The following TENM4 variants were observed in gnomAD, a reference collection of about 807,000 sequenced individuals.
TENM4 encodes the protein teneurin transmembrane protein 4.
In TENM4, 82 loss-of-function variants were observed where a neutral mutation model predicts 243.3. That is an observed-to-expected ratio of 0.34 (90% CI 0.28 to 0.40). The LOEUF (loss-of-function observed/expected upper bound fraction) is 0.40, where lower values mean the gene tolerates loss of function less well. Ranked by LOEUF, TENM4 falls within the 10% of genes least tolerant of loss-of-function variation. The probability of loss-of-function intolerance (pLI) is 1.00; values close to 1 mark genes in which losing one functional copy is unlikely to be tolerated. For synonymous variants in TENM4, 1,412 were observed against 1,456.3 expected (o/e 0.97, Z 0.69); for missense variants, 3,138 against 3,673.3 (o/e 0.85, Z 3.77).
At chr11:78,736,135 T>C (rs1018262158) in intron 20 of TENM4, among the ~76,000 whole-genome samples, 1 of 152,006 alleles carries the variant, frequency 6.6e-6, no homozygotes, top group African/African-American at 2.4e-5. Context: ...GTATGTTTTT[T>C]TGATAGAGAC....
intron 28 of TENM4, among the ~76,000 whole-genome samples, chr11:78,693,649 T>G (rs112623727): frequency 3.5e-4 from 54 of 152,282 alleles, no homozygotes; most frequent in African/African-American, 1.3e-3. Flanking sequence ...TTTCATTATT[T>G]CCTCCCACTG....
chr11:79,434,217 GTTGA>G (rs760493580), intron 1 of TENM4, among the ~76,000 whole-genome samples: 2 of 152,192 alleles, frequency 1.3e-5, no homozygotes, highest in South Asian at 2.1e-4. Context: ...ATGTAGGCAT[GTTGA>G]TTGATTGATT....
chr11:79,359,822 G>A (rs555168906), intron 1 of TENM4, among the ~76,000 whole-genome samples: 1 of 152,270 alleles, frequency 6.6e-6, no homozygotes, highest in East Asian at 1.9e-4. Context: ...TATCCCCAGA[G>A]AGCTCTGGGC....
rs528154015 is a variant in TENM4, at chr11:78,872,208, G to C, written c.1085-9076C>G. 7.2e-5 allele frequency among the ~76,000 whole-genome samples: 11 copies of C among 152,304 alleles called. No homozygotes were observed. In the South Asian group the frequency reaches 2.3e-3, roughly 32 times the overall value. On this transcript the variant is annotated intron_variant, in intron 9 of 33. Transcript: ENST00000278550. ...TCACACTGTCATCAAGGAAGCACAGGACAGGCTTCCATTTCATCCTGATCA... is the reference window on the plus strand; with the variant it reads ...TCACACTGTCATCAAGGAAGCACAGCACAGGCTTCCATTTCATCCTGATCA...
At chr11:78,929,664 T>C (rs757100062) in intron 6 of TENM4, among the ~76,000 whole-genome samples, 3 of 152,078 alleles carry the variant, frequency 2.0e-5, no homozygotes, top group Non-Finnish European at 4.4e-5. Flanking sequence ...ATAATGGTTT[T>C]TAATATCCTG....
chr11:79,052,992 T>C (rs562336623), intron 6 of TENM4, among the ~76,000 whole-genome samples: 3 of 152,356 alleles, frequency 2.0e-5, no homozygotes, highest in Non-Finnish European at 4.4e-5. Context: ...TGTTTCATGT[T>C]CCTGAGTTGA....
intron 6 of TENM4, among the ~76,000 whole-genome samples, chr11:78,970,340 C>T (rs374247630): frequency 6.6e-6 from 1 of 152,166 alleles, no homozygotes; most frequent in East Asian, 1.9e-4. Flanking sequence ...GGATTGGAAT[C>T]CACTTTTGAA....
chr11:78,818,031 G>C (rs1273056096), intron 12 of TENM4, among the ~76,000 whole-genome samples: 1 of 151,998 alleles, frequency 6.6e-6, no homozygotes, highest in Non-Finnish European at 1.5e-5. Flanking sequence ...TGAACTCCTT[G>C]AGGATAGAAA....
chr11:78,688,024 TC>T, intron 29 of TENM4, 29 bp downstream of exon 29: 2 of 1,609,614 alleles, frequency 1.2e-6, no homozygotes, highest in South Asian at 1.1e-5. Flanking sequence ...CCCCTCTGCC[TC>T]AAAGTCCCCT....
At chr11:78,729,085 C>G (rs747807247) in intron 22 of TENM4, among the ~76,000 whole-genome samples, 1 of 152,092 alleles carries the variant, frequency 6.6e-6, no homozygotes, top group Non-Finnish European at 1.5e-5. Context: ...CAATGTCCAC[C>G]TGGCCCTGCC....
intron 4 of TENM4, among the ~76,000 whole-genome samples, chr11:79,091,864 C>A (rs1860962899): frequency 6.6e-6 from 1 of 152,164 alleles, no homozygotes; most frequent in Admixed American, 6.5e-5. Flanking sequence ...TGTACGCATG[C>A]TGCCCTCCCC....
chr11:78,869,876 T>C (rs1481774757), intron 9 of TENM4, among the ~76,000 whole-genome samples: 1 of 152,170 alleles, frequency 6.6e-6, no homozygotes, highest in Non-Finnish European at 1.5e-5. Flanking sequence ...TCTTTTGAGA[T>C]AGTTTGTTAA....
At chr11:79,052,140 T>C (rs766481885) in intron 6 of TENM4, among the ~76,000 whole-genome samples, 1 of 152,244 alleles carries the variant, frequency 6.6e-6, no homozygotes, top group Non-Finnish European at 1.5e-5. Context: ...ATATACCCAG[T>C]AATGGGATTG....
chr11:79,259,642 CATCCATCCATCCATCT>C lies in TENM4; in HGVS notation c.-265+37830_-265+37845del, dbSNP rs1415588574. On this transcript the variant is annotated intron_variant, in intron 2 of 33. Transcript: ENST00000278550. ...CCCTCCACCCATCCACTCCCCCATC[CATCCATCCATCCATCT>C]ATCCATCCATCCATCCATCCATCCA... 3.1e-4 allele frequency among the ~76,000 whole-genome samples: 42 copies of C among 134,440 alleles called. 1 individual carries two copies. The highest frequency in any genetic ancestry group is 1.1e-3 in the African/African-American group (37 of 34,016). 88.2% of individuals were successfully genotyped at this position (134,440 alleles called of 152,430 possible).
In TENM4 at chr11:78,907,066, C is replaced by A. The variant is rs376126068; in HGVS notation, c.494-3543G>T. ...GAGGCTTGAGCTAGGCCCTTTATTT[C>A]CCTTCCCTCACCCTTTCTAGCTTGA... On this transcript the variant is annotated intron_variant, in intron 6 of 33. Transcript: ENST00000278550. 5.9e-5 allele frequency among the ~76,000 whole-genome samples: 9 copies of A among 152,132 alleles called. No individual in the cohort carries two copies. In the South Asian group the frequency reaches 1.9e-3, roughly 32 times the overall value.
intron 4 of TENM4, among the ~76,000 whole-genome samples, chr11:79,084,756 G>A (rs940448702): frequency 2.6e-5 from 4 of 152,130 alleles, no homozygotes; most frequent in East Asian, 3.8e-4. Flanking sequence ...AGAGGACTGC[G>A]AAGGAAACTT....
chr11:79,181,704 TA>T (rs369480204), intron 3 of TENM4, among the ~76,000 whole-genome samples: 3,262 of 138,404 alleles, frequency 0.024, 52 homozygotes, highest in African/African-American at 0.048. Flanking sequence ...AAGAACTGAT[TA>T]AAAAAAAAAA....
At chr11:79,069,640 T>C (rs1050214567) in intron 5 of TENM4, 82 bp downstream of exon 5, 91 of 1,458,622 alleles carry the variant, frequency 6.2e-5, no homozygotes, top group African/African-American at 8.5e-5. Context: ...CACGCCCACC[T>C]GCGCCACGCC....
chr11:79,100,855 C>T (rs1295997328), intron 4 of TENM4, among the ~76,000 whole-genome samples: 1 of 152,154 alleles, frequency 6.6e-6, no homozygotes, highest in Non-Finnish European at 1.5e-5. Context: ...CTTCCACTCC[C>T]CTTATCTGGA....
Sources: allele counts gnomAD v4.1 joint callset (sites outside exome capture counted in the v4.1 genomes callset), GRCh38; gene constraint gnomAD v4.1.1; transcripts MANE v1.5; gene names NCBI Gene and HGNC (gene_info 2026-07-23, HGNC 2026-07-21).